STK32A: variants seen among roughly 807,000 people sequenced by gnomAD.
STK32A encodes serine/threonine kinase 32A, also known as serine/threonine-protein kinase 32A.
A neutral mutation model predicts 53.2 loss-of-function variants in STK32A; 41 were observed. That is an observed-to-expected ratio of 0.77 (90% CI 0.60 to 1.00). The LOEUF (loss-of-function observed/expected upper bound fraction) is 1.00. STK32A is among the 50% of genes least tolerant of loss of function. The pLI is 0.00. For synonymous variants in STK32A, 166 were observed against 162.8 expected, an observed-to-expected ratio of 1.02 and a Z score of -0.15; for missense variants, 458 against 485.8, an observed-to-expected ratio of 0.94 and a Z score of 0.54.
chr5:147,244,384 G>A (rs1753700938), intron 2 of STK32A, among the ~76,000 whole-genome samples: 1 of 152,148 alleles, frequency 6.6e-6, no homozygotes, highest in Non-Finnish European at 1.5e-5. Flanking sequence ...CAATTCTTTT[G>A]GGTATATACC....
At chr5:147,367,204 T>C (rs1017872992) in intron 8 of STK32A, among the ~76,000 whole-genome samples, 1 of 151,970 alleles carries the variant, frequency 6.6e-6, no homozygotes, top group Non-Finnish European at 1.5e-5. Flanking sequence ...TAGCTGGGAC[T>C]ACAGGCATAT....
At chr5:147,268,796 G>A (rs1019916) in intron 2 of STK32A, among the ~76,000 whole-genome samples, 89,089 of 151,492 alleles carry the variant, frequency 0.59, 26,498 homozygotes, top group African/African-American at 0.67. Context: ...GAGAGATGAT[G>A]AGTGACAGAT....
chr5:147,309,278 C>A (rs75290328), intron 4 of STK32A, among the ~76,000 whole-genome samples: 7 of 152,114 alleles, frequency 4.6e-5, no homozygotes, highest in Admixed American at 3.3e-4. Flanking sequence ...TGAAATAGTT[C>A]TTATGCCATT....
At chr5:147,341,818 T>G (rs1288548838) in intron 5 of STK32A, among the ~76,000 whole-genome samples, 1 of 152,188 alleles carries the variant, frequency 6.6e-6, no homozygotes, top group East Asian at 1.9e-4. Flanking sequence ...AGTATCATGT[T>G]GGCCACTTCA....
chr5:147,267,181 G>C (rs367994526), intron 2 of STK32A, among the ~76,000 whole-genome samples: 9 of 152,088 alleles, frequency 5.9e-5, no homozygotes, highest in Non-Finnish European at 1.0e-4. Context: ...CTTTGATATG[G>C]CTTATTTTAC....
At chr5:147,399,072 C>A in the STK32A span, 1 of 1,613,234 alleles carries the variant, frequency 6.2e-7, no homozygotes, top group Non-Finnish European at 8.5e-7. Context: ...CCCACCAGAG[C>A]GGGCCTTACA....
At chr5:147,261,542 A>G (rs1223803316) in intron 2 of STK32A, among the ~76,000 whole-genome samples, 1 of 152,214 alleles carries the variant, frequency 6.6e-6, no homozygotes, top group Non-Finnish European at 1.5e-5. Context: ...GGTGATCAGA[A>G]TGAGTCAGGG....
At chr5:147,287,151 A>G (rs75128497) in intron 4 of STK32A, among the ~76,000 whole-genome samples, 1 of 152,318 alleles carries the variant, frequency 6.6e-6, no homozygotes, top group East Asian at 1.9e-4. Context: ...AGTGACTGTG[A>G]TCTGCGCTCC....
chr5:147,263,752 A>G (rs1213498958), intron 2 of STK32A, among the ~76,000 whole-genome samples: 1 of 151,514 alleles, frequency 6.6e-6, no homozygotes, highest in Non-Finnish European at 1.5e-5. Flanking sequence ...TTTCTAAATA[A>G]TAGGTATAGA....
At chr5:147,250,397 T>C (rs1753935104) in intron 2 of STK32A, among the ~76,000 whole-genome samples, 1 of 152,134 alleles carries the variant, frequency 6.6e-6, no homozygotes, top group African/African-American at 2.4e-5. Context: ...AGAGGAATCC[T>C]AATATTTAGA....
rs1039555619 is a variant in STK32A, at chr5:147,351,056, T to C, written c.473-9T>C. On this transcript the variant is annotated splice_polypyrimidine_tract_variant and intron_variant, in intron 6 of 12. Coordinates refer to ENST00000397936, the MANE Select transcript of STK32A (RefSeq NM_001112724.2). ...CTTAACTTTCTGTGTGGTTCTTCTC[T>C]CTCTGCAGGGCACGTGCACATCACA... The C allele has an allele frequency of 1.2e-6, 2 of 1,613,090 alleles. No homozygotes were observed. The highest frequency in any genetic ancestry group is 8.5e-7 in the Non-Finnish European group (1 of 1,179,336).
intron 2 of STK32A, 93 bp downstream of exon 2, chr5:147,239,779 C>A (rs1753487715): frequency 1.3e-5 from 12 of 959,492 alleles, no homozygotes; most frequent in Non-Finnish European, 1.7e-5. Flanking sequence ...TAAGCATGGT[C>A]TGTAGGGCCT....
chr5:147,396,646 T>C, the STK32A span, among the ~76,000 whole-genome samples: 5 of 152,124 alleles, frequency 3.3e-5, no homozygotes, highest in Non-Finnish European at 7.4e-5. Context: ...ATGTGATGAC[T>C]GTATCTGTAC....
chr5:147,245,313 T>C (rs1380097361), intron 2 of STK32A, among the ~76,000 whole-genome samples: 1 of 152,228 alleles, frequency 6.6e-6, no homozygotes, highest in African/African-American at 2.4e-5. Context: ...ACCATATGGA[T>C]ATTCTGAGAA....
intron 2 of STK32A, among the ~76,000 whole-genome samples, chr5:147,246,288 A>G (rs1483890196): frequency 6.6e-6 from 1 of 152,184 alleles, no homozygotes; most frequent in Non-Finnish European, 1.5e-5. Context: ...CTCCATACAA[A>G]GGGATTGGAG....
At chr5:147,369,907 T>TAG (rs1363193593) in intron 8 of STK32A, among the ~76,000 whole-genome samples, 1 of 152,178 alleles carries the variant, frequency 6.6e-6, no homozygotes, top group African/African-American at 2.4e-5. Flanking sequence ...GAAATTTCAG[T>TAG]GTTGGTGAGT....
chr5:147,294,164 C>T (rs891269625), intron 4 of STK32A, among the ~76,000 whole-genome samples: 1 of 152,176 alleles, frequency 6.6e-6, no homozygotes, highest in African/African-American at 2.4e-5. Flanking sequence ...AACTTATAAA[C>T]AATTCTCTTC....
chr5:147,261,573 G>A (rs1754573597), intron 2 of STK32A, among the ~76,000 whole-genome samples: 1 of 152,084 alleles, frequency 6.6e-6, no homozygotes, highest in South Asian at 2.1e-4. Flanking sequence ...AATCAAAAAA[G>A]GTTGCTTTAC....
rs373645480 is a variant in STK32A at position 147,252,088 on chromosome 5, G to A, written c.52+12402G>A. On this transcript the variant is annotated intron_variant, in intron 2 of 12. Coordinates refer to ENST00000397936, the MANE Select transcript of STK32A (RefSeq NM_001112724.2). ...TATGGTGGCAGGAGATCAAGGCTAC[G>A]GTGAGCTGTAATTGCACCACTGCAC... Among the ~76,000 whole-genome samples the A allele has an allele frequency of 3.8e-4, 57 of 151,780 alleles. 2 individuals are homozygous for A. The South Asian group carries it at 9.8e-3, about 26-fold the overall frequency.
Sources: gnomAD v4.1 joint callset for allele counts (sites outside exome capture counted in the v4.1 genomes callset) on GRCh38, gnomAD v4.1.1 for gene constraint, MANE v1.5 for transcripts, NCBI Gene and HGNC (gene_info 2026-07-23, HGNC 2026-07-21) for gene names.